Variants in TACC2 observed in about 807,000 individuals in gnomAD.
TACC2 encodes the protein transforming acidic coiled-coil-containing protein 2.
In TACC2, 137 loss-of-function variants were observed where a neutral mutation model predicts 227.3. The observed-to-expected ratio is 0.60, with a 90% confidence interval of 0.52 to 0.69. TACC2 has a LOEUF of 0.69. TACC2 is among the 30% of genes least tolerant of loss of function. The pLI is 0.00. For missense variants in TACC2, 3,470 were observed against 3,694.4 expected (o/e 0.94, Z 1.57); for synonymous variants, 1,523 against 1,487.5 (o/e 1.02, Z -0.55).
chr10:122,250,911 CTTTTTT>C lies in TACC2; in HGVS notation c.8781+1268_8781+1273del, dbSNP rs56383359. Among the ~76,000 whole-genome samples, 19 of 47,504 alleles carry C rather than the reference CTTTTTT, an allele frequency of 4.0e-4. 1 individual carries two copies. In the East Asian group the frequency reaches 8.9e-3, roughly 22 times the overall value. 31.2% of individuals were successfully genotyped at this position (47,504 alleles called of 152,430 possible). On this transcript the variant is annotated intron_variant, in intron 22 of 22. Transcript: ENST00000369005. ...CATATTACAGATCATTATTTTCATTCTTTTTTTTTTTTTTTTTTTTTTTTTTGAGGC... is the reference window on the plus strand; with the variant it reads ...CATATTACAGATCATTATTTTCATTCTTTTTTTTTTTTTTTTTTTTGAGGC...
intron 7 of TACC2, chr10:122,163,662 G>A: frequency 2.1e-6 from 2 of 945,626 alleles, no homozygotes; most frequent in African/African-American, 3.4e-5. Flanking sequence ...CCCGGGCAGA[G>A]CCGCGCACGC....
intron 5 of TACC2, among the ~76,000 whole-genome samples, chr10:122,118,569 A>G (rs1302656328): frequency 6.6e-6 from 1 of 152,144 alleles, no homozygotes. Context: ...TATAGGCTCT[A>G]AGGCTTTGCT....
chr10:122,097,920 C>T (rs2081644310), intron 5 of TACC2, among the ~76,000 whole-genome samples: 1 of 152,126 alleles, frequency 6.6e-6, no homozygotes, highest in African/African-American at 2.4e-5. Flanking sequence ...TGCACCCAAG[C>T]CAGGCACTTG....
chr10:122,009,887 C>T (rs1402530963), intron 1 of TACC2, among the ~76,000 whole-genome samples: 2 of 152,170 alleles, frequency 1.3e-5, no homozygotes, highest in Non-Finnish European at 2.9e-5. Flanking sequence ...GATTGCACCA[C>T]TGCACTCCAG....
At chr10:122,023,945 G>T (rs1009070007) in intron 2 of TACC2, among the ~76,000 whole-genome samples, 2 of 152,168 alleles carry the variant, frequency 1.3e-5, no homozygotes, top group Non-Finnish European at 2.9e-5. Context: ...TGATTGCCTT[G>T]TGGGAAGGTG....
chr10:122,165,503 G>A (rs761733087), intron 7 of TACC2, among the ~76,000 whole-genome samples: 62 of 152,300 alleles, frequency 4.1e-4, no homozygotes, highest in South Asian at 1.0e-3. Context: ...TCAGTGTTCC[G>A]TCAGCTGAGG....
chr10:122,083,336 A>T lies in TACC2; in HGVS notation c.836A>T (p.Gln279Leu). ...CTAAAACCCATGGCCCCGATCCCAC[A>T]AGATCCAGCCCCAAGAGCCTCAGAC... ...SPLKPMAPIP[Q>L]DPAPRASDRE... Residue 279 changes from glutamine to leucine, a missense_variant, in exon 4 of 23, where the codon CAA becomes CTA. By Grantham distance (113) the Gln-to-Leu change is moderately radical. Coordinates refer to ENST00000369005, the MANE Select transcript of TACC2 (RefSeq NM_206862.4). The T allele has an allele frequency of 6.2e-7, 1 of 1,614,056 alleles. No homozygotes were observed. Among genetic ancestry groups the T allele is most frequent in the Non-Finnish European group, 8.5e-7 (1 of 1,180,042 alleles).
chr10:122,173,537 C>T (rs908062839), intron 7 of TACC2, among the ~76,000 whole-genome samples: 6 of 152,364 alleles, frequency 3.9e-5, no homozygotes, highest in Middle Eastern at 3.4e-3. Flanking sequence ...TCTTTACGTG[C>T]CAGGGCACAG....
At chr10:122,225,040 C>T (rs1223075278) in intron 12 of TACC2, among the ~76,000 whole-genome samples, 1 of 147,948 alleles carries the variant, frequency 6.8e-6, no homozygotes, top group Non-Finnish European at 1.5e-5. Flanking sequence ...CTTTCCTAGA[C>T]TGAGAAAGAG....
rs2080005892 is a variant in TACC2 at position 122,085,548 on chromosome 10, A to G, written c.3048A>G (p.Gly1016=). 8 of 1,613,208 alleles carry G rather than the reference A, an allele frequency of 5.0e-6. No homozygotes were observed. Among genetic ancestry groups the G allele is most frequent in the Non-Finnish European group, 6.8e-6 (8 of 1,180,040 alleles). ...QHEEACQRHP[G]ASEAADGCSP... is the part of the protein sequence containing the mutation. ...AAGAAGCATGTCAAAGGCATCCAGG[A>G]GCTTCTGAAGCAGCTGATGGTTGTT... The change falls in exon 4 of 23, where the codon GGA becomes GGG. Residue 1016 remains glycine (G), a synonymous_variant. Transcript: ENST00000369005.
intron 13 of TACC2, among the ~76,000 whole-genome samples, chr10:122,227,618 G>T (rs1370568240): frequency 6.6e-6 from 1 of 152,162 alleles, no homozygotes; most frequent in East Asian, 1.9e-4. Flanking sequence ...GCAGAGCTCG[G>T]GTCTGTAGCC....
chr10:121,996,259 T>G (rs926888206), intron 1 of TACC2, among the ~76,000 whole-genome samples: 7 of 152,052 alleles, frequency 4.6e-5, no homozygotes, highest in African/African-American at 1.7e-4. Flanking sequence ...TCTTGCTGTG[T>G]TGCTCAGGCT....
rs909936685 is a variant in TACC2 at position 122,150,329 on chromosome 10, G to T, written c.5834+6623G>T. On this transcript the variant is annotated intron_variant, in intron 7 of 22. Coordinates refer to ENST00000369005, the MANE Select transcript of TACC2 (RefSeq NM_206862.4). The surrounding 1 kb of genome is among the most constrained non-coding windows in gnomAD (Gnocchi z 4.0). The stretch of plus-strand genomic sequence containing the variant: ...CATCTGTGAGGGCGTGGCTGGACGT[G>T]CTCAGCACAGCACTGGTGGGTGGAA... Among the ~76,000 whole-genome samples the T allele has an allele frequency of 6.6e-6, 1 of 152,220 alleles. No individual in the cohort carries two copies. Among genetic ancestry groups the T allele is most frequent in the African/African-American group, 2.4e-5 (1 of 41,468 alleles).
chr10:122,145,241 A>C (rs2091218615), intron 7 of TACC2, among the ~76,000 whole-genome samples: 1 of 152,212 alleles, frequency 6.6e-6, no homozygotes, highest in Admixed American at 6.5e-5. Context: ...ATTCTTCATA[A>C]TTGCCCCAAA....
chr10:122,237,374 T>A (rs1188216586), intron 16 of TACC2, 21 bp from the exon 17 acceptor site: 14 of 1,589,402 alleles, frequency 8.8e-6, no homozygotes, highest in Middle Eastern at 1.7e-4. Context: ...GTTTTTTTTT[T>A]AATTAAAAAC....
chr10:122,085,277 C>T lies in TACC2; in HGVS notation c.2777C>T (p.Ser926Phe), dbSNP rs1048579150. The T allele has an allele frequency of 6.2e-7, 1 of 1,613,974 alleles. No homozygotes were observed. The highest frequency in any genetic ancestry group is 1.7e-5 in the Admixed American group (1 of 60,006). Residue 926 changes from serine (S) to phenylalanine (F), a missense_variant, in exon 4 of 23, where the codon TCT (serine) becomes TTT (phenylalanine). Around this residue, in one of 10 missense-constraint regions of TACC2, gnomAD observed 1,924 missense variants for 1,978.3 expected, o/e 0.97. Coordinates refer to ENST00000369005, the MANE Select transcript of TACC2 (RefSeq NM_206862.4). Reference sequence around the variant, plus strand: ...CCCACTGACATGGTTTGGGAGAGTTCTCTGACAGAAGAGTCAGAATTGTCA... The same window carrying T: ...CCCACTGACATGGTTTGGGAGAGTTTTCTGACAGAAGAGTCAGAATTGTCA... ...SSPTDMVWESSLTEESELSAP... is the reference protein window; with the variant it reads ...SSPTDMVWESFLTEESELSAP...
chr10:122,239,940 A>G (rs1421126408), intron 18 of TACC2, among the ~76,000 whole-genome samples: 1 of 152,212 alleles, frequency 6.6e-6, no homozygotes, highest in African/African-American at 2.4e-5. Context: ...GGGGTAAATA[A>G]CAGTGCCTCA....
intron 1 of TACC2, among the ~76,000 whole-genome samples, chr10:122,019,258 T>G (rs1957054230): frequency 6.6e-6 from 1 of 152,198 alleles, no homozygotes; most frequent in South Asian, 2.1e-4. Flanking sequence ...CACGCCTGGG[T>G]AAGTACATTC....
intron 5 of TACC2, among the ~76,000 whole-genome samples, chr10:122,092,270 G>C (rs2080907633): frequency 6.6e-6 from 1 of 152,168 alleles, no homozygotes; most frequent in Non-Finnish European, 1.5e-5. Context: ...GCACAGCCCA[G>C]AGTGATCTGC....
Sources: allele counts gnomAD v4.1 joint callset (sites outside exome capture counted in the v4.1 genomes callset), GRCh38; gene constraint gnomAD v4.1.1; regional missense constraint gnomAD v4.1.1; non-coding constraint Gnocchi (gnomAD v3.1); transcripts MANE v1.5; gene names NCBI Gene and HGNC (gene_info 2026-07-23, HGNC 2026-07-21).